The following CNKSR2 variants were observed in gnomAD, a reference collection of about 807,000 sequenced individuals.
CNKSR2 encodes the protein CNK homolog protein 2.
Under a neutral mutation model 84.4 loss-of-function variants are expected in CNKSR2, and 14 were observed. The ratio of observed to expected loss-of-function variants is 0.17; its 90% CI spans 0.11 to 0.26. CNKSR2 has a LOEUF of 0.26. Among genes scored for constraint, CNKSR2 ranks in the 10% least tolerant of loss-of-function variants. The probability of loss-of-function intolerance (pLI) is 1.00; values close to 1 mark genes in which losing one functional copy is unlikely to be tolerated. For synonymous variants in CNKSR2, 275 were observed against 277.9 expected, an observed-to-expected ratio of 0.99 and a Z score of 0.10; for missense variants, 485 against 771.2, an observed-to-expected ratio of 0.63 and a Z score of 4.40.
chrX:21,376,786 C>T (rs779729408), intron 1 of CNKSR2, among the ~76,000 whole-genome samples: 10 of 111,980 alleles, frequency 8.9e-5, no homozygotes, highest in African/African-American at 3.2e-4. Flanking sequence ...TCATAGACTA[C>T]CTTTCGCAAA....
rs1333644658 is a variant in CNKSR2 at position 21,374,601 on chromosome X, G to GCAC, written c.-295_-294insCCA. The GCAC allele has an allele frequency of 2.1e-6, 1 of 485,685 alleles. No homozygotes were observed. The highest frequency in any genetic ancestry group is 2.5e-5 in the African/African-American group (1 of 39,925). The allele number at this position is 485,685 out of a possible 1,213,427, so 40.0% of individuals were successfully genotyped here. A position where few individuals can be genotyped will look rare whatever the true frequency, so the allele number is the denominator to read the frequency against. ...CCGGAGCGGAGCGGCGGAGGCAGCAGCAGCAGCAGCAGCAGCAGCAGCAGC... is the reference window on the plus strand; with the variant it reads ...CCGGAGCGGAGCGGCGGAGGCAGCAGCACCAGCAGCAGCAGCAGCAGCAGCAGC... On this transcript the variant is annotated 5_prime_UTR_variant, in exon 1 of 22. Transcript: ENST00000379510.
chrX:21,449,806 T>G (rs2090903766), intron 4 of CNKSR2, among the ~76,000 whole-genome samples: 1 of 111,765 alleles, frequency 8.9e-6, no homozygotes, highest in African/African-American at 3.3e-5. Context: ...AGCTTCTGCA[T>G]AAAAATGAGA....
At chrX:21,432,944 A>G (rs752090854) in intron 3 of CNKSR2, 130 bp downstream of exon 3, 6 of 615,812 alleles carry the variant, frequency 9.7e-6, no homozygotes, top group African/African-American at 4.6e-5. Flanking sequence ...TCTAATGATG[A>G]TTTACCACAA....
At chrX:21,508,417 T>C (rs1402953837) in intron 8 of CNKSR2, among the ~76,000 whole-genome samples, 1 of 112,181 alleles carries the variant, frequency 8.9e-6, no homozygotes, top group African/African-American at 3.2e-5. Flanking sequence ...TGATCAGAGG[T>C]TTACATTACA....
Position 21,374,630 on chromosome X carries a change from A to AGCAGCAGCAGCC in CNKSR2, c.-266_-265insAGCAGCAGCCGC, listed in dbSNP as rs547454548. Reference sequence around the variant, plus strand: ...CAGCAGCAGCAGCAGCAGCAGCAGCAGCCGCCGCCGCCGCCGCCTTAGCGG... The same window carrying AGCAGCAGCAGCC: ...CAGCAGCAGCAGCAGCAGCAGCAGCAGCAGCAGCAGCCGCCGCCGCCGCCGCCGCCTTAGCGG... On this transcript the variant is annotated 5_prime_UTR_variant, in exon 1 of 22. Transcript: ENST00000379510. The AGCAGCAGCAGCC allele has an allele frequency of 1.1e-3, 469 of 445,178 alleles. 5 individuals carry two copies. Among genetic ancestry groups the AGCAGCAGCAGCC allele is most frequent in the Non-Finnish European group, 1.4e-3 (369 of 255,324 alleles). The allele number at this position is 445,178 out of a possible 1,213,427, so 36.7% of individuals were successfully genotyped here. A position where few individuals can be genotyped will look rare whatever the true frequency, so the allele number is the denominator to read the frequency against.
intron 13 of CNKSR2, among the ~76,000 whole-genome samples, chrX:21,567,359 T>TGTA (rs2092247553): frequency 8.9e-6 from 1 of 112,025 alleles, no homozygotes; most frequent in African/African-American, 3.2e-5. Context: ...CTAGTACAAA[T>TGTA]GTAGTACCTT....
At chrX:21,491,819 C>T (rs1193291576) in intron 6 of CNKSR2, 1 of 111,766 alleles carries the variant, frequency 8.9e-6, no homozygotes, top group African/African-American at 3.2e-5. Context: ...TTTTAAAACA[C>T]TTCAATCTAT....
intron 20 of CNKSR2, among the ~76,000 whole-genome samples, chrX:21,639,791 C>T (rs925428934): frequency 9.0e-6 from 1 of 111,676 alleles, no homozygotes; most frequent in Non-Finnish European, 1.9e-5. Flanking sequence ...CTGCAGTGGG[C>T]ACAAGAATCA....
At chrX:21,403,420 G>A (rs1569148540) in intron 1 of CNKSR2, among the ~76,000 whole-genome samples, 1 of 111,439 alleles carries the variant, frequency 9.0e-6, no homozygotes. Context: ...TTTATCATAC[G>A]AACTTTAGTG....
At chrX:21,587,031 A>T (rs2092392816) in intron 13 of CNKSR2, among the ~76,000 whole-genome samples, 1 of 111,997 alleles carries the variant, frequency 8.9e-6, no homozygotes, top group Non-Finnish European at 1.9e-5. Flanking sequence ...AATAGAGTGA[A>T]TTAGATAAAT....
intron 4 of CNKSR2, among the ~76,000 whole-genome samples, chrX:21,446,895 GAAT>G (rs986624996): frequency 1.4e-4 from 16 of 111,208 alleles, no homozygotes; most frequent in South Asian, 7.4e-4. Flanking sequence ...ATGTTATGAA[GAAT>G]AATAATAAAT....
intron 1 of CNKSR2, among the ~76,000 whole-genome samples, chrX:21,403,352 C>T (rs1337675354): frequency 9.0e-6 from 1 of 111,598 alleles, no homozygotes; most frequent in African/African-American, 3.2e-5. Context: ...TAAGAGTAGA[C>T]TCACTCCTAA....
At chrX:21,568,676 CAT>C (rs1288626254) in intron 13 of CNKSR2, among the ~76,000 whole-genome samples, 41 of 110,695 alleles carry the variant, frequency 3.7e-4, no homozygotes, top group African/African-American at 1.2e-3. Flanking sequence ...AGTAAATAAA[CAT>C]TATGAAAATG....
chrX:21,437,670 G>A (rs927219908), intron 3 of CNKSR2, among the ~76,000 whole-genome samples: 3 of 109,174 alleles, frequency 2.7e-5, no homozygotes, highest in Middle Eastern at 4.7e-3. Context: ...CACCTGCCTC[G>A]GCCTCCCAAA....
At chrX:21,460,524 G>A (rs1451690769) in intron 4 of CNKSR2, among the ~76,000 whole-genome samples, 1 of 111,615 alleles carries the variant, frequency 9.0e-6, no homozygotes, top group Non-Finnish European at 1.9e-5. Context: ...ATCCCCTCAA[G>A]AATTTATCTT....
chrX:21,635,400 G>GTATATATATACACATATATATGTATA (rs1258049642), intron 20 of CNKSR2, among the ~76,000 whole-genome samples: 2 of 104,501 alleles, frequency 1.9e-5, no homozygotes, highest in African/African-American at 6.9e-5. Flanking sequence ...GTGTGTGTGT[G>GTATATATATACACATATATATGTATA]TGTGTGTGTA....
chrX:21,621,459 C>G (rs2092601379), intron 20 of CNKSR2, among the ~76,000 whole-genome samples: 2 of 111,453 alleles, frequency 1.8e-5, no homozygotes, highest in Non-Finnish European at 3.8e-5. Context: ...TGATATTACT[C>G]ATTTCTCTTA....
At chrX:21,501,223 G>A (rs749011059) in intron 7 of CNKSR2, among the ~76,000 whole-genome samples, 3 of 110,566 alleles carry the variant, frequency 2.7e-5, no homozygotes, top group African/African-American at 9.8e-5. Flanking sequence ...TCAGAAACGT[G>A]TTCTTTTATA....
intron 11 of CNKSR2, among the ~76,000 whole-genome samples, chrX:21,557,894 A>T (rs931690598): frequency 5.4e-5 from 6 of 111,576 alleles, no homozygotes; most frequent in Non-Finnish European, 9.5e-5. Flanking sequence ...AATGGGTCAG[A>T]TGTATTTAAT....
Sources: allele counts gnomAD v4.1 joint callset (sites outside exome capture counted in the v4.1 genomes callset), GRCh38; gene constraint gnomAD v4.1.1; transcripts MANE v1.5; gene names NCBI Gene and HGNC (gene_info 2026-07-23, HGNC 2026-07-21).